SOX6: variants seen among roughly 807,000 people sequenced by gnomAD.
The protein encoded by SOX6 is SRY-box transcription factor 6, also known as transcription factor SOX-6.
In SOX6, 11 loss-of-function variants were observed where a neutral mutation model predicts 97.8. The observed-to-expected ratio is 0.11, with a 90% CI of 0.07 to 0.19. The LOEUF is 0.19. SOX6 is among the 10% of genes least tolerant of loss of function. SOX6 has a pLI of 1.00. For synonymous variants in SOX6, 360 were observed against 371.4 expected (o/e 0.97, Z 0.35); for missense variants, 810 against 1,039.5 (o/e 0.78, Z 3.04).
chr11:16,598,486 A>G (rs1355162224), intron 4 of SOX6, among the ~76,000 whole-genome samples: 1 of 152,014 alleles, frequency 6.6e-6, no homozygotes, highest in Non-Finnish European at 1.5e-5. Flanking sequence ...CAACTATGAA[A>G]ATCTTCAGAA....
At chr11:16,206,392 TAC>T (rs1852073480) in intron 4 of SOX6, among the ~76,000 whole-genome samples, 1 of 152,176 alleles carries the variant, frequency 6.6e-6, no homozygotes. Context: ...TTTGATTTGT[TAC>T]AGTTTCATAT....
At chr11:16,195,389 T>C (rs1036989157) in intron 4 of SOX6, among the ~76,000 whole-genome samples, 5 of 152,162 alleles carry the variant, frequency 3.3e-5, no homozygotes, top group African/African-American at 1.2e-4. Flanking sequence ...AGTTAGGGAA[T>C]TTCTAAAAGT....
At chr11:16,265,049 G>A (rs1287569093) in intron 3 of SOX6, among the ~76,000 whole-genome samples, 4 of 151,772 alleles carry the variant, frequency 2.6e-5, no homozygotes, top group African/African-American at 7.3e-5. Context: ...ATTTTCCAGA[G>A]TCAAGAGATT....
chr11:16,507,335 T>C (rs1207087912), intron 4 of SOX6, among the ~76,000 whole-genome samples: 1 of 152,084 alleles, frequency 6.6e-6, no homozygotes, highest in African/African-American at 2.4e-5. Flanking sequence ...ATAACCATAC[T>C]AACCAAAGCA....
chr11:16,512,086 G>A (rs899058980), intron 4 of SOX6, among the ~76,000 whole-genome samples: 4 of 151,918 alleles, frequency 2.6e-5, no homozygotes, highest in African/African-American at 9.7e-5. Flanking sequence ...ATTTGCCTAA[G>A]GACAATAGAA....
Position 16,003,541 on chromosome 11 carries a change from A to C in SOX6, c.1732+11401T>G, listed in dbSNP as rs146639730. 4.3e-3 allele frequency among the ~76,000 whole-genome samples: 656 copies of C among 152,130 alleles called. 3 individuals carry two copies. Among genetic ancestry groups the C allele is most frequent in the Non-Finnish European group, 5.4e-3 (369 of 68,002 alleles). On this transcript the variant is annotated intron_variant, in intron 13 of 15. Coordinates refer to ENST00000683767, the MANE Select transcript of SOX6 (RefSeq NM_001367873.1). The stretch of plus-strand genomic sequence containing the variant: ...TGTACCCCAAAACAGTGGTGACTGC[A>C]TTGTGTCTTATCCTTAGCTGCTTAT...
intron 6 of SOX6, among the ~76,000 whole-genome samples, chr11:16,149,125 T>C (rs1219235715): frequency 6.6e-6 from 1 of 152,166 alleles, no homozygotes; most frequent in Non-Finnish European, 1.5e-5. Context: ...ACTACACAAA[T>C]GGAATGACAA....
chr11:16,115,263 A>G (rs1849318573), intron 6 of SOX6, among the ~76,000 whole-genome samples: 2 of 152,194 alleles, frequency 1.3e-5, no homozygotes, highest in South Asian at 4.1e-4. Context: ...CAGCATCAGC[A>G]ATATCTGGGA....
intron 3 of SOX6, among the ~76,000 whole-genome samples, chr11:16,640,575 C>T (rs11500027): frequency 3.3e-4 from 50 of 152,262 alleles, no homozygotes; most frequent in African/African-American, 1.1e-3. Flanking sequence ...TTAATTATAG[C>T]CTCAATTTCA....
intron 1 of SOX6, among the ~76,000 whole-genome samples, chr11:16,378,590 C>A (rs766668546): frequency 1.5e-4 from 23 of 151,902 alleles, no homozygotes; most frequent in Non-Finnish European, 2.9e-4. Context: ...TTCTTCATAT[C>A]TTAATTGCAT....
chr11:16,336,743 T>C (rs2134333208), intron 2 of SOX6, among the ~76,000 whole-genome samples: 1 of 152,302 alleles, frequency 6.6e-6, no homozygotes, highest in African/African-American at 2.4e-5. Context: ...ATCTGTAATC[T>C]GTCAGCCTCC....
chr11:16,433,886 A>G (rs956331686), intron 1 of SOX6, among the ~76,000 whole-genome samples: 1 of 152,098 alleles, frequency 6.6e-6, no homozygotes, highest in African/African-American at 2.4e-5. Context: ...AATATTCAGT[A>G]GCAAACTAAA....
At chr11:15,973,148 G>A in intron 15 of SOX6, 36 bp from the exon 16 acceptor site, 1 of 1,603,268 alleles carries the variant, frequency 6.2e-7, no homozygotes, top group Non-Finnish European at 8.5e-7. Context: ...AGACAAGGGA[G>A]AAATATCTAT....
intron 3 of SOX6, among the ~76,000 whole-genome samples, chr11:16,291,232 TATATATATATATATATATATATATATATA>T (rs1327779222): frequency 0.034 from 6 of 178 alleles, no homozygotes; most frequent in Non-Finnish European, 0.061. Context: ...TATAAATTTA[TATATATATATATATATATATATATATATA>T]TATATATATA....
intron 3 of SOX6, among the ~76,000 whole-genome samples, chr11:16,242,335 A>G (rs1853219038): frequency 6.6e-6 from 1 of 151,992 alleles, no homozygotes; most frequent in Non-Finnish European, 1.5e-5. Flanking sequence ...AGGTTATACT[A>G]TATAGCCTAG....
rs531853339 is a variant in SOX6 at position 16,287,617 on chromosome 11, T to C, written c.445+30829A>G. 4.6e-5 allele frequency among the ~76,000 whole-genome samples: 7 copies of C among 152,228 alleles called. No individual in the cohort carries two copies. The East Asian group carries it at 1.2e-3, about 25-fold the overall frequency. On this transcript the variant is annotated intron_variant, in intron 3 of 15. Transcript: ENST00000683767. Reference sequence around the variant, plus strand: ...GCTATTCAATACATTAATCATTAATTTCCTCATTTCTAGAATAGCATAAGA... The same window carrying C: ...GCTATTCAATACATTAATCATTAATCTCCTCATTTCTAGAATAGCATAAGA...
intron 1 of SOX6, among the ~76,000 whole-genome samples, chr11:16,429,198 GA>G (rs1859220587): frequency 1.3e-5 from 2 of 152,214 alleles, no homozygotes; most frequent in African/African-American, 4.8e-5. Flanking sequence ...AAGTTGTGGA[GA>G]AAACGGAATG....
At chr11:16,088,242 C>A (rs988439556) in intron 9 of SOX6, among the ~76,000 whole-genome samples, 14 of 152,054 alleles carry the variant, frequency 9.2e-5, no homozygotes, top group African/African-American at 3.4e-4. Flanking sequence ...TTATAAACAG[C>A]CCCCACCTGA....
chr11:16,555,987 T>C (rs1847744317), intron 4 of SOX6, among the ~76,000 whole-genome samples: 1 of 151,644 alleles, frequency 6.6e-6, no homozygotes, highest in African/African-American at 2.4e-5. Flanking sequence ...TTTATTTTTA[T>C]ATAAAAGGAA....
Sources: gnomAD v4.1 joint callset for allele counts (sites outside exome capture counted in the v4.1 genomes callset) on GRCh38, gnomAD v4.1.1 for gene constraint, MANE v1.5 for transcripts, NCBI Gene and HGNC (gene_info 2026-07-23, HGNC 2026-07-21) for gene names.